The following TENM1 variants were observed in gnomAD, a reference collection of about 807,000 sequenced individuals.
TENM1 encodes the protein teneurin transmembrane protein 1.
TENM1 carries 35 observed loss-of-function variants against 174.8 expected under a neutral mutation model. That is an observed-to-expected ratio of 0.20 (90% CI 0.15 to 0.27). TENM1 has a LOEUF of 0.27. Among genes scored for constraint, TENM1 ranks in the 10% least tolerant of loss-of-function variants. TENM1 has a pLI of 1.00. For missense variants in TENM1, 1,633 were observed against 2,130.1 expected, an observed-to-expected ratio of 0.77 and a Z score of 4.59; for synonymous variants, 781 against 798.7, an observed-to-expected ratio of 0.98 and a Z score of 0.37.
At chrX:124,506,147 C>T (rs976375595) in intron 18 of TENM1, among the ~76,000 whole-genome samples, 3 of 111,812 alleles carry the variant, frequency 2.7e-5, no homozygotes, top group African/African-American at 6.5e-5. Flanking sequence ...ACTGGATTTG[C>T]CTTCTGTACA....
At chrX:125,086,600 T>C in the TENM1 span, among the ~76,000 whole-genome samples, 1 of 111,051 alleles carries the variant, frequency 9.0e-6, no homozygotes, top group African/African-American at 3.3e-5. Flanking sequence ...ATATTGTCGG[T>C]AAGTTTTCTT....
chrX:124,835,268 C>A (rs2056369700), intron 3 of TENM1, among the ~76,000 whole-genome samples: 1 of 111,716 alleles, frequency 9.0e-6, no homozygotes, highest in Non-Finnish European at 1.9e-5. Context: ...TATAAGACTA[C>A]CTCCTTTGTA....
the TENM1 span, among the ~76,000 whole-genome samples, chrX:125,048,551 C>T: frequency 9.0e-5 from 10 of 111,064 alleles, no homozygotes; most frequent in African/African-American, 3.3e-4. Context: ...ATCAATCTAC[C>T]ACCATAGAGA....
At chrX:124,736,917 C>T (rs758338028) in intron 4 of TENM1, 40 bp downstream of exon 7, 20 of 1,169,348 alleles carry the variant, frequency 1.7e-5, no homozygotes, top group Non-Finnish European at 2.2e-5. Flanking sequence ...CATCCTCTGC[C>T]AATACTTAAG....
chrX:124,525,262 A>T (rs950842543), intron 16 of TENM1, among the ~76,000 whole-genome samples: 1 of 112,465 alleles, frequency 8.9e-6, no homozygotes, highest in African/African-American at 3.2e-5. Context: ...GAAGAACTGC[A>T]TTAGCTACAG....
At chrX:124,781,065 CTGGT>C (rs1429241618) in intron 3 of TENM1, among the ~76,000 whole-genome samples, 1 of 111,786 alleles carries the variant, frequency 8.9e-6, no homozygotes, top group Non-Finnish European at 1.9e-5. Flanking sequence ...CATTATTGTA[CTGGT>C]TGTTTACCTT....
intron 11 of TENM1, among the ~76,000 whole-genome samples, chrX:124,624,947 C>T (rs1241062562): frequency 2.7e-5 from 3 of 111,909 alleles, no homozygotes; most frequent in Non-Finnish European, 5.6e-5. Context: ...TCCTCATCTA[C>T]AAAATGAAGG....
At chrX:125,144,899 C>A in the TENM1 span, among the ~76,000 whole-genome samples, 1 of 110,189 alleles carries the variant, frequency 9.1e-6, no homozygotes. Flanking sequence ...TCCCCCACCA[C>A]GCCCAGTTAA....
At chrX:124,990,667 G>A in the TENM1 span, among the ~76,000 whole-genome samples, 1 of 111,969 alleles carries the variant, frequency 8.9e-6, no homozygotes, top group African/African-American at 3.2e-5. Flanking sequence ...CTCCAGAATT[G>A]CTCCATTAAA....
the TENM1 span, among the ~76,000 whole-genome samples, chrX:125,003,151 T>A: frequency 9.0e-6 from 1 of 111,604 alleles, no homozygotes; most frequent in African/African-American, 3.3e-5. Flanking sequence ...AAGCAAAAGC[T>A]TCTGCCATCT....
At chrX:124,546,995 T>A (rs1244685479) in exon 15 of TENM1, 1 of 1,209,812 alleles carries the variant, frequency 8.3e-7, no homozygotes, top group Admixed American at 2.2e-5. Context: ...CTTTGCTGAA[T>A]GAGGTCAAGA....
At position 124,696,560 on chromosome X, in the gene TENM1, T is replaced by G. The variant is rs181353230; in HGVS notation, c.1015+8453A>C. Among the ~76,000 whole-genome samples, 3 of 111,215 alleles carry G rather than the reference T, an allele frequency of 2.7e-5. No homozygotes were observed. The East Asian group carries it at 8.5e-4, about 32-fold the overall frequency. ...TCTCTCCTCTCTCTCTTAAGCATTG[T>G]ACAACTAGTATTGGCTTAGCTGCTT... is the stretch of plus-strand genomic sequence containing the variant. On this transcript the variant is annotated intron_variant, in intron 5 of 31. Transcript: ENST00000422452.
chrX:124,497,633 C>T (rs1465486479), intron 19 of TENM1, among the ~76,000 whole-genome samples: 2 of 111,305 alleles, frequency 1.8e-5, no homozygotes, highest in East Asian at 5.7e-4. Flanking sequence ...TTTTCTGATG[C>T]CTAGCACATA....
chrX:124,714,678 A>G (rs2053138112), intron 4 of TENM1, among the ~76,000 whole-genome samples: 1 of 111,469 alleles, frequency 9.0e-6, no homozygotes, highest in South Asian at 3.8e-4. Flanking sequence ...GTCAATTAAT[A>G]TAAACATAAA....
At chrX:125,005,042 C>A in the TENM1 span, among the ~76,000 whole-genome samples, 1 of 110,517 alleles carries the variant, frequency 9.0e-6, no homozygotes, top group Non-Finnish European at 1.9e-5. Flanking sequence ...CAAATATGTG[C>A]CTTTTGGTCT....
At chrX:124,582,185 C>G (rs918883702) in intron 11 of TENM1, among the ~76,000 whole-genome samples, 6 of 112,239 alleles carry the variant, frequency 5.3e-5, no homozygotes, top group Non-Finnish European at 7.5e-5. Flanking sequence ...GCTCCCAACT[C>G]CATCCATGCC....
At chrX:125,005,278 C>T in the TENM1 span, among the ~76,000 whole-genome samples, 1 of 106,857 alleles carries the variant, frequency 9.4e-6, no homozygotes, top group Non-Finnish European at 1.9e-5. Context: ...ATTAAATAAA[C>T]AGCTTTCTTT....
chrX:124,980,599 G>A, the TENM1 span, among the ~76,000 whole-genome samples: 2 of 110,811 alleles, frequency 1.8e-5, no homozygotes, highest in East Asian at 5.6e-4. Context: ...TAAAAAATAT[G>A]ATAAATTTAA....
At chrX:124,941,337 G>A (rs2058323195) in intron 1 of TENM1, among the ~76,000 whole-genome samples, 1 of 111,714 alleles carries the variant, frequency 9.0e-6, no homozygotes, top group Non-Finnish European at 1.9e-5. Context: ...TGGATTATTT[G>A]TTCTTTCTTG....
Sources: allele counts gnomAD v4.1 joint callset (sites outside exome capture counted in the v4.1 genomes callset), GRCh38; gene constraint gnomAD v4.1.1; transcripts MANE v1.5; gene names NCBI Gene and HGNC (gene_info 2026-07-23, HGNC 2026-07-21).